Variants in STX11 observed in about 807,000 individuals in gnomAD.
STX11 encodes the protein syntaxin 11, also known as syntaxin-11.
In STX11, 21 loss-of-function variants were observed where a neutral mutation model predicts 19.9. The observed-to-expected ratio is 1.06, with a 90% CI of 0.75 to 1.52. The LOEUF is 1.52. Ranked by LOEUF, STX11 falls within the 40% of genes most tolerant of loss-of-function variation. STX11 has a pLI of 0.00. For synonymous variants in STX11, 193 were observed against 174.4 expected, an observed-to-expected ratio of 1.11 and a Z score of -0.84; for missense variants, 438 against 405.9, an observed-to-expected ratio of 1.08 and a Z score of -0.68.
At chr6:144,146,772 G>C (rs1469226403), upstream of STX11, among the ~76,000 whole-genome samples, 1 of 152,108 alleles carries the variant, frequency 6.6e-6, no homozygotes, top group Non-Finnish European at 1.5e-5. The surrounding 1 kb of genome is among the most constrained non-coding windows in gnomAD (Gnocchi z 4.4). Flanking sequence ...GCCCAGGCTG[G>C]TCTCTAACTC....
In STX11 at chr6:144,154,619, A is replaced by G. The variant is rs1002103294; in HGVS notation, c.-6+3916A>G. Among the ~76,000 whole-genome samples, 2 of 152,232 alleles carry G rather than the reference A, an allele frequency of 1.3e-5. No individual in the cohort carries two copies. Among genetic ancestry groups the G allele is most frequent in the South Asian group, 2.1e-4 (1 of 4,836 alleles). ...AGGCTAGCAAGGGAGGCATTAATCT[A>G]CAGAGCAGGGTCAAATGGTGGAAGA... On this transcript the variant is annotated intron_variant, in intron 1 of 1. Coordinates refer to ENST00000367568, the MANE Select transcript of STX11 (RefSeq NM_003764.4). This position sits in a 1 kb window ranked among gnomAD's most constrained non-coding sequence, Gnocchi z 4.7.
rs963100055 is a variant in STX11, at chr6:144,188,657, AT to A, written c.*1171del. Reference sequence around the variant, plus strand: ...TTAATAAACATTACATTATACACATATTTTTATACATTTCTGGCTTGACCAT... The same window carrying A: ...TTAATAAACATTACATTATACACATATTTTATACATTTCTGGCTTGACCAT... On this transcript the variant is annotated 3_prime_UTR_variant, in exon 2 of 2. Transcript: ENST00000367568. Among the ~76,000 whole-genome samples the A allele has an allele frequency of 6.6e-6, 1 of 150,386 alleles. No homozygotes were observed. Among genetic ancestry groups the A allele is most frequent in the African/African-American group, 2.5e-5 (1 of 40,612 alleles).
intron 1 of STX11, among the ~76,000 whole-genome samples, chr6:144,156,599 C>T (rs896253447): frequency 1.3e-5 from 2 of 152,238 alleles, no homozygotes; most frequent in Non-Finnish European, 2.9e-5. Context: ...GCAAGTAGTT[C>T]TGTCTTCGGT....
chr6:144,181,437 A>C (rs1365891141), intron 1 of STX11, among the ~76,000 whole-genome samples: 3 of 151,944 alleles, frequency 2.0e-5, no homozygotes, highest in African/African-American at 7.3e-5. Flanking sequence ...TCTACTAAAA[A>C]TACAAAACTT....
At chr6:144,141,570 G>A in the STX11 span, among the ~76,000 whole-genome samples, 20 of 151,992 alleles carry the variant, frequency 1.3e-4, no homozygotes, top group East Asian at 9.6e-4. Context: ...TTTTTTCTAA[G>A]CTTACCTTAA....
In STX11 at chr6:144,152,570, G is replaced by A. The variant is rs1386275611; in HGVS notation, c.-6+1867G>A. Among the ~76,000 whole-genome samples the A allele has an allele frequency of 1.3e-5, 2 of 152,138 alleles. No individual in the cohort carries two copies. The highest frequency in any genetic ancestry group is 4.8e-5 in the African/African-American group (2 of 41,422). ...AGCTGATTATCACCCCTGGACAATT[G>A]CAGTCACCTTTAGTTAACAGCATGA... On this transcript the variant is annotated intron_variant, in intron 1 of 1. Coordinates refer to ENST00000367568, the MANE Select transcript of STX11 (RefSeq NM_003764.4). The surrounding 1 kb of genome is among the most constrained non-coding windows in gnomAD (Gnocchi z 4.9).
intron 1 of STX11, among the ~76,000 whole-genome samples, chr6:144,158,530 T>A (rs1801238339): frequency 1.3e-5 from 2 of 152,172 alleles, no homozygotes; most frequent in South Asian, 4.1e-4. Context: ...CAGAGGAAGC[T>A]TTGAGGTGCT....
At chr6:144,179,059 AC>A (rs554773550) in intron 1 of STX11, among the ~76,000 whole-genome samples, 7 of 152,216 alleles carry the variant, frequency 4.6e-5, no homozygotes, top group African/African-American at 1.7e-4. Context: ...GGGAGAACTT[AC>A]AATCATGGTG....
Position 144,182,397 on chromosome 6 carries a change from C to T in STX11, c.-5-4226C>T, listed in dbSNP as rs1801931262. 6.6e-6 allele frequency among the ~76,000 whole-genome samples: 1 copy of T among 152,060 alleles called. No individual in the cohort carries two copies. Among genetic ancestry groups the T allele is most frequent in the South Asian group, 2.1e-4 (1 of 4,824 alleles). On this transcript the variant is annotated intron_variant, in intron 1 of 1. Transcript: ENST00000367568. This position sits in a 1 kb window ranked among gnomAD's most constrained non-coding sequence, Gnocchi z 4.8. ...AGCCAAGAGAGGTGGGCAGGAAGGC[C>T]AGGTGAAGGCCCCCTTCCCTCCTTT...
chr6:144,141,603 G>A, the STX11 span, among the ~76,000 whole-genome samples: 1 of 152,190 alleles, frequency 6.6e-6, no homozygotes, highest in South Asian at 2.1e-4. Flanking sequence ...CTTTTGTGCA[G>A]ATAACAAGAT....
rs1440598737 is a variant in STX11 at position 144,154,551 on chromosome 6, C to T, written c.-6+3848C>T. On this transcript the variant is annotated intron_variant, in intron 1 of 1. Coordinates refer to ENST00000367568, the MANE Select transcript of STX11 (RefSeq NM_003764.4). The surrounding 1 kb of genome is among the most constrained non-coding windows in gnomAD (Gnocchi z 4.7). ...CTCAACTTTTCATATTTCTCAGATGCACTCAATGTTTTGTTGCTAAGATTT... is the reference window on the plus strand; with the variant it reads ...CTCAACTTTTCATATTTCTCAGATGTACTCAATGTTTTGTTGCTAAGATTT... Among the ~76,000 whole-genome samples the T allele has an allele frequency of 6.6e-6, 1 of 152,182 alleles. No individual in the cohort carries two copies. Among genetic ancestry groups the T allele is most frequent in the Non-Finnish European group, 1.5e-5 (1 of 68,038 alleles).
rs1487008999 is a variant in STX11, at chr6:144,188,497, G to A, written c.*1006G>A. ...CATTGGTTATGGCGGTAGACATATG[G>A]CGGTAGAAAATGTATACGGAGCTAG... On this transcript the variant is annotated 3_prime_UTR_variant, in exon 2 of 2. Coordinates refer to ENST00000367568, the MANE Select transcript of STX11 (RefSeq NM_003764.4). 4.5e-6 allele frequency: 1 copy of A among 220,540 alleles called. No homozygotes were observed. Among genetic ancestry groups the A allele is most frequent in the Non-Finnish European group, 9.9e-6 (1 of 101,016 alleles). The allele number at this position is 220,540 out of a possible 1,614,324, so 13.7% of individuals were successfully genotyped here. A position where few individuals can be genotyped will look rare whatever the true frequency, so the allele number is the denominator to read the frequency against.
chr6:144,175,601 C>T lies in STX11; in HGVS notation c.-5-11022C>T, dbSNP rs1418893403. On this transcript the variant is annotated intron_variant, in intron 1 of 1. Coordinates refer to ENST00000367568, the MANE Select transcript of STX11 (RefSeq NM_003764.4). The surrounding 1 kb of genome is among the most constrained non-coding windows in gnomAD (Gnocchi z 5.1). ...GGATTACAGGCATGAGCCACCGCGCCCAGCCTTAATAACACTCTTTTAATC... is the reference window on the plus strand; with the variant it reads ...GGATTACAGGCATGAGCCACCGCGCTCAGCCTTAATAACACTCTTTTAATC... Among the ~76,000 whole-genome samples the T allele has an allele frequency of 6.6e-6, 1 of 152,158 alleles. No homozygotes were observed. Among genetic ancestry groups the T allele is most frequent in the African/African-American group, 2.4e-5 (1 of 41,434 alleles).
At chr6:144,150,760 C>A in intron 1 of STX11, 57 bp downstream of exon 1, 1 of 138,352 alleles carries the variant, frequency 7.2e-6, no homozygotes, top group Middle Eastern at 4.6e-3. Context: ...TCCCCGTGCG[C>A]GGAGAGATCG....
chr6:144,189,180 G>A lies in STX11; in HGVS notation c.*1689G>A, dbSNP rs1195777295. The stretch of plus-strand genomic sequence containing the variant: ...TGAGACTACAGATATGTGCCACCAT[G>A]CCCGGCTAATTTTTGTATTTTCTGT... On this transcript the variant is annotated 3_prime_UTR_variant, in exon 2 of 2. Coordinates refer to ENST00000367568, the MANE Select transcript of STX11 (RefSeq NM_003764.4). Among the ~76,000 whole-genome samples the A allele has an allele frequency of 1.3e-5, 2 of 152,100 alleles. No individual in the cohort carries two copies. Among genetic ancestry groups the A allele is most frequent in the African/African-American group, 2.4e-5 (1 of 41,414 alleles).
At chr6:144,144,702 A>G in the STX11 span, among the ~76,000 whole-genome samples, 1 of 152,352 alleles carries the variant, frequency 6.6e-6, no homozygotes, top group South Asian at 2.1e-4. Context: ...AGATTTAATT[A>G]GCCATATGTG....
chr6:144,187,096 T>G lies in STX11; in HGVS notation c.469T>G (p.Cys157Gly). 1 of 1,613,740 alleles carries G rather than the reference T, an allele frequency of 6.2e-7. No individual in the cohort carries two copies. The highest frequency in any genetic ancestry group is 1.3e-5 in the African/African-American group (1 of 75,050). The change falls in exon 2 of 2, where the codon TGC becomes GGC. Residue 157 changes from cysteine to glycine, a missense_variant. Transcript: ENST00000367568. The surrounding 1 kb of genome is among the most constrained non-coding windows in gnomAD (Gnocchi z 5.6). ...GGCCGAGATGAAGCAGCGCGACAAC[T>G]GCAAGATCCGCATCCAGCGCCAGCT... ...NQAEMKQRDN[C>G]KIRIQRQLEI...
chr6:144,144,674 T>A, the STX11 span, among the ~76,000 whole-genome samples: 33 of 152,352 alleles, frequency 2.2e-4, no homozygotes, highest in South Asian at 4.6e-3. Context: ...TTAAATTTTA[T>A]TTAATTTTAA....
rs1409023223 is a variant in STX11 at position 144,152,279 on chromosome 6, A to G, written c.-6+1576A>G. On this transcript the variant is annotated intron_variant, in intron 1 of 1. Coordinates refer to ENST00000367568, the MANE Select transcript of STX11 (RefSeq NM_003764.4). The surrounding 1 kb of genome is among the most constrained non-coding windows in gnomAD (Gnocchi z 4.9). The stretch of plus-strand genomic sequence containing the variant: ...ATGCTGGAAAATTCAATATAATGAG[A>G]TAGGTGCTAGGGTAAATCTATACCC... Among the ~76,000 whole-genome samples, 3 of 152,144 alleles carry G rather than the reference A, an allele frequency of 2.0e-5. No individual in the cohort carries two copies. The highest frequency in any genetic ancestry group is 2.9e-5 in the Non-Finnish European group (2 of 68,018).
Sources: allele counts gnomAD v4.1 joint callset (sites outside exome capture counted in the v4.1 genomes callset), GRCh38; gene constraint gnomAD v4.1.1; non-coding constraint Gnocchi (gnomAD v3.1); transcripts MANE v1.5; gene names NCBI Gene and HGNC (gene_info 2026-07-23, HGNC 2026-07-21).